Variants in GNA14 observed in about 807,000 individuals in gnomAD.
GNA14 encodes the protein guanine nucleotide-binding protein subunit alpha-14.
In GNA14, 50 loss-of-function variants were observed where a neutral mutation model predicts 42.0. The ratio of observed to expected loss-of-function variants is 1.19; its 90% confidence interval spans 0.95 to 1.51. The LOEUF (loss-of-function observed/expected upper bound fraction) is 1.51, where lower values mean the gene tolerates loss of function less well. Among genes scored for constraint, GNA14 ranks in the 40% most tolerant of loss-of-function variants. The probability of loss-of-function intolerance (pLI) is 0.00; values close to 1 mark genes in which losing one functional copy is unlikely to be tolerated. For missense variants in GNA14, 473 were observed against 446.2 expected (o/e 1.06, Z -0.54); for synonymous variants, 173 against 163.1 (o/e 1.06, Z -0.46).
At chr9:77,530,115 G>C (rs993079352) in intron 1 of GNA14, among the ~76,000 whole-genome samples, 5 of 152,258 alleles carry the variant, frequency 3.3e-5, no homozygotes, top group Admixed American at 3.3e-4. Flanking sequence ...TGCTGATACA[G>C]GTCAGACCTG....
At chr9:77,479,948 G>A (rs10869928) in intron 2 of GNA14, among the ~76,000 whole-genome samples, 93,890 of 151,338 alleles carry the variant, frequency 0.62, 30,640 homozygotes, top group African/African-American at 0.83. Flanking sequence ...AGGAGATTTT[G>A]GGCTGAAATG....
At position 77,425,671 on chromosome 9, in the gene GNA14, G is replaced by C. The variant is rs1393596478; in HGVS notation, c.768C>G (p.Thr256=). The change falls in exon 6 of 7, where the codon ACC becomes ACG. Residue 256 remains threonine (T), a synonymous_variant. Transcript: ENST00000341700. ...CAGACGAATTCAGAAACCAGGGGTA[G>C]GTGATGATGGTTTTAAATAAGGCTT... ...ESKALFKTII[T]YPWFLNSSVI... is the part of the protein sequence containing the mutation. 1 of 1,609,822 alleles carries C rather than the reference G, an allele frequency of 6.2e-7. No individual in the cohort carries two copies. The highest frequency in any genetic ancestry group is 8.5e-7 in the Non-Finnish European group (1 of 1,176,316).
chr9:77,566,444 T>C (rs1348582747), intron 1 of GNA14, among the ~76,000 whole-genome samples: 2 of 152,054 alleles, frequency 1.3e-5, no homozygotes, highest in Non-Finnish European at 2.9e-5. Context: ...CGTGAGCCAC[T>C]GCACCCAACC....
intron 1 of GNA14, among the ~76,000 whole-genome samples, chr9:77,533,428 C>T (rs13287722): frequency 6.6e-6 from 1 of 152,108 alleles, no homozygotes; most frequent in Non-Finnish European, 1.5e-5. Flanking sequence ...CATCCTCCTG[C>T]CTCAGCCTCT....
chr9:77,502,907 C>T (rs944522466), intron 2 of GNA14, among the ~76,000 whole-genome samples: 1 of 152,130 alleles, frequency 6.6e-6, no homozygotes, highest in South Asian at 2.1e-4. Flanking sequence ...CTTGGTGCTT[C>T]GGTCTCAGGG....
chr9:77,449,365 C>T (rs1337137962), intron 2 of GNA14, among the ~76,000 whole-genome samples: 1 of 152,206 alleles, frequency 6.6e-6, no homozygotes, highest in African/African-American at 2.4e-5. Flanking sequence ...TAAAATGCCA[C>T]CCAGTGGAAA....
intron 1 of GNA14, among the ~76,000 whole-genome samples, chr9:77,555,167 A>G (rs1822755556): frequency 6.6e-6 from 1 of 152,224 alleles, no homozygotes; most frequent in Admixed American, 6.5e-5. Flanking sequence ...CAGTGAAGGA[A>G]TACTTAGGGA....
At position 77,464,365 on chromosome 9, in the gene GNA14, G is replaced by GTATA. The variant is rs1836179939; in HGVS notation, c.310-29844_310-29843insTATA. ...TGTGTGTGTATATGTGTGTGTGTGT[G>GTATA]TGTGTGTGTGTGTGTGTGTGTGTGT... On this transcript the variant is annotated intron_variant, in intron 2 of 6. Transcript: ENST00000341700. Among the ~76,000 whole-genome samples, 3 of 150,030 alleles carry GTATA rather than the reference G, an allele frequency of 2.0e-5. 1 individual carries two copies. Among genetic ancestry groups the GTATA allele is most frequent in the Admixed American group, 2.0e-4 (3 of 15,138 alleles).
chr9:77,598,962 T>C (rs191829040), intron 1 of GNA14, among the ~76,000 whole-genome samples: 186 of 152,300 alleles, frequency 1.2e-3, no homozygotes, highest in Middle Eastern at 3.4e-3. Context: ...GCTGGAGATA[T>C]AAACAAGAAC....
Position 77,586,612 on chromosome 9 carries a change from A to C in GNA14, c.125-57359T>G, listed in dbSNP as rs866132709. ...GAACAGCTCTCTCTCCTGCACACAGAGGGGCGGCCAAGTGGGCCTTCTAGT... is the reference window on the plus strand; with the variant it reads ...GAACAGCTCTCTCTCCTGCACACAGCGGGGCGGCCAAGTGGGCCTTCTAGT... On this transcript the variant is annotated intron_variant, in intron 1 of 6. Coordinates refer to ENST00000341700, the MANE Select transcript of GNA14 (RefSeq NM_004297.4). Among the ~76,000 whole-genome samples, 16 of 152,200 alleles carry C rather than the reference A, an allele frequency of 1.1e-4. 1 individual carries two copies. Among genetic ancestry groups the C allele is most frequent in the Middle Eastern group, 3.2e-3 (1 of 316 alleles).
intron 1 of GNA14, among the ~76,000 whole-genome samples, chr9:77,542,737 G>A (rs1211491794): frequency 6.6e-6 from 1 of 152,224 alleles, no homozygotes; most frequent in Non-Finnish European, 1.5e-5. Flanking sequence ...GCCAGCTGTG[G>A]TGGTATCAGC....
chr9:77,534,792 G>A lies in GNA14; in HGVS notation c.125-5539C>T, dbSNP rs146819614. Among the ~76,000 whole-genome samples the A allele has an allele frequency of 3.5e-4, 53 of 152,236 alleles. No homozygotes were observed. In the East Asian group the frequency reaches 9.3e-3, roughly 27 times the overall value. ...TTTTTCTCGTTTCCTGATATCTTTG[G>A]AGCCTAAAAGAGCAGAGTAAGAGCC... is the stretch of plus-strand genomic sequence containing the variant. On this transcript the variant is annotated intron_variant, in intron 1 of 6. Coordinates refer to ENST00000341700, the MANE Select transcript of GNA14 (RefSeq NM_004297.4).
At chr9:77,446,375 G>A (rs1431497473) in intron 2 of GNA14, among the ~76,000 whole-genome samples, 2 of 152,228 alleles carry the variant, frequency 1.3e-5, no homozygotes, top group Non-Finnish European at 2.9e-5. Context: ...GTTATTGGGA[G>A]CTCAAAGTAT....
At chr9:77,493,178 G>T (rs1489365579) in intron 2 of GNA14, among the ~76,000 whole-genome samples, 2 of 151,398 alleles carry the variant, frequency 1.3e-5, no homozygotes, top group Admixed American at 6.6e-5. Context: ...CTCACCATCA[G>T]GTGAAGGACT....
chr9:77,513,734 C>A (rs1423786186), intron 2 of GNA14, among the ~76,000 whole-genome samples: 1 of 152,204 alleles, frequency 6.6e-6, no homozygotes, highest in Non-Finnish European at 1.5e-5. Flanking sequence ...CACATGATGA[C>A]CTTATAGCTA....
At position 77,530,905 on chromosome 9, in the gene GNA14, G is replaced by A. The variant is rs978649714; in HGVS notation, c.125-1652C>T. ...CCAGAAAACTGGTAATTAGTCAGGG[G>A]ACAAGCCAAGGTTGGGTGCAGATGC... On this transcript the variant is annotated intron_variant, in intron 1 of 6. Transcript: ENST00000341700. Among the ~76,000 whole-genome samples, 4 of 152,214 alleles carry A rather than the reference G, an allele frequency of 2.6e-5. No individual in the cohort carries two copies. In the East Asian group the frequency reaches 5.8e-4, roughly 22 times the overall value.
intron 2 of GNA14, among the ~76,000 whole-genome samples, chr9:77,489,724 C>A (rs1026384377): frequency 6.6e-6 from 1 of 151,940 alleles, no homozygotes; most frequent in Non-Finnish European, 1.5e-5. Flanking sequence ...TAAGGCAGCG[C>A]GTCTGGAGTT....
Position 77,430,412 on chromosome 9 carries a change from G to A in GNA14, c.593+909C>T, listed in dbSNP as rs144613503. Among the ~76,000 whole-genome samples the A allele has an allele frequency of 6.6e-3, 1,013 of 152,366 alleles. 6 individuals carry two copies. Among genetic ancestry groups the A allele is most frequent in the South Asian group, 0.01 (50 of 4,828 alleles). On this transcript the variant is annotated intron_variant, in intron 4 of 6. Coordinates refer to ENST00000341700, the MANE Select transcript of GNA14 (RefSeq NM_004297.4). The stretch of plus-strand genomic sequence containing the variant: ...GAATAAACAAAATCCTTGGGAGTCT[G>A]AGAGGTTTTGGACATTGCAAAAAGC...
chr9:77,489,139 C>T (rs564236400), intron 2 of GNA14, among the ~76,000 whole-genome samples: 1 of 152,018 alleles, frequency 6.6e-6, no homozygotes, highest in East Asian at 1.9e-4. Flanking sequence ...AACTGAAAGA[C>T]TCATTAAAAG....
Sources: allele counts gnomAD v4.1 joint callset (sites outside exome capture counted in the v4.1 genomes callset), GRCh38; gene constraint gnomAD v4.1.1; transcripts MANE v1.5; gene names NCBI Gene and HGNC (gene_info 2026-07-23, HGNC 2026-07-21).